Variants in ANLN observed in about 807,000 individuals in gnomAD.
ANLN encodes anillin, actin binding protein, also known as anillin.
In ANLN, 59 loss-of-function variants were observed where a neutral mutation model predicts 135.1. That is an observed-to-expected ratio of 0.44 (90% confidence interval 0.35 to 0.54). ANLN has a LOEUF of 0.54. Ranked by LOEUF, ANLN falls within the 20% of genes least tolerant of loss-of-function variation. The pLI, the probability that ANLN is intolerant of heterozygous loss-of-function variation, is 0.00. For missense variants in ANLN, 1,182 were observed against 1,340.0 expected (o/e 0.88, Z 1.84); for synonymous variants, 406 against 456.4 (o/e 0.89, Z 1.41).
chr7:36,422,084 G>T, intron 13 of ANLN, 92 bp downstream of exon 13: 1 of 1,393,978 alleles, frequency 7.2e-7, no homozygotes, highest in Non-Finnish European at 9.7e-7. Flanking sequence ...TAGAGAAAGG[G>T]CTTTTCCTAG....
At chr7:36,392,387 C>T (rs1786514310) in intron 1 of ANLN, among the ~76,000 whole-genome samples, 1 of 151,546 alleles carries the variant, frequency 6.6e-6, no homozygotes, top group African/African-American at 2.4e-5. Flanking sequence ...GTAAAATCTC[C>T]TAGAAAAATT....
intron 21 of ANLN, among the ~76,000 whole-genome samples, chr7:36,443,288 T>A (rs2116798549): frequency 6.6e-6 from 1 of 152,352 alleles, no homozygotes; most frequent in African/African-American, 2.4e-5. Flanking sequence ...AAGTTAACTC[T>A]TTTCTAATCC....
chr7:36,391,645 T>G (rs1786468073), intron 1 of ANLN, among the ~76,000 whole-genome samples: 1 of 152,222 alleles, frequency 6.6e-6, no homozygotes, highest in Non-Finnish European at 1.5e-5. Flanking sequence ...GAGCTACTGG[T>G]ACAGTTGTCT....
intron 3 of ANLN, among the ~76,000 whole-genome samples, chr7:36,401,071 C>T (rs767108666): frequency 2.0e-5 from 3 of 152,112 alleles, no homozygotes; most frequent in Non-Finnish European, 4.4e-5. Context: ...ATTATGTTTT[C>T]TGGAAGTGAT....
intron 14 of ANLN, 24 bp downstream of exon 14, chr7:36,422,833 T>G (rs1787935268): frequency 1.3e-6 from 2 of 1,572,606 alleles, no homozygotes; most frequent in Non-Finnish European, 1.7e-6. Flanking sequence ...TTTTCTAGAT[T>G]GTGTGTTAAA....
rs1261424791 is a variant in ANLN, at chr7:36,422,699, A to T, written c.2366A>T (p.Asn789Ile). 6.2e-7 allele frequency: 1 copy of T among 1,613,026 alleles called. No individual in the cohort carries two copies. Residue 789 changes from asparagine to isoleucine, a missense_variant, in exon 14 of 24, where the codon AAT becomes ATT. Asn to Ile is a moderately radical substitution (Grantham distance 149). Around this residue, in one of 3 missense-constraint regions of ANLN, gnomAD observed 1,022 missense variants for 1,134.0 expected, o/e 0.90. Coordinates refer to ENST00000265748, the MANE Select transcript of ANLN (RefSeq NM_018685.5). ...KLKNEGPQRKNKASPQSEFMP... is the reference protein window; with the variant it reads ...KLKNEGPQRKIKASPQSEFMP... ...AAGAACGAAGGACCTCAGAGGAAGA[A>T]TAAGGCTAGTCCCCAAAGTGAATTT...
chr7:36,401,324 C>T (rs1044609984), intron 3 of ANLN, among the ~76,000 whole-genome samples: 6 of 152,066 alleles, frequency 3.9e-5, no homozygotes, highest in Non-Finnish European at 1.5e-5. Flanking sequence ...ACTCCTGTGA[C>T]CTGCCTGATG....
chr7:36,424,807 T>A, intron 17 of ANLN, 65 bp downstream of exon 17: 1 of 1,480,176 alleles, frequency 6.8e-7, no homozygotes, highest in Non-Finnish European at 9.2e-7. Flanking sequence ...TCATACCAGT[T>A]TTAATTTATG....
At chr7:36,395,864 CAGAG>C (rs369375987) in intron 1 of ANLN, among the ~76,000 whole-genome samples, 1 of 150,754 alleles carries the variant, frequency 6.6e-6, no homozygotes, top group African/African-American at 2.4e-5. Flanking sequence ...CACTTAGTGG[CAGAG>C]AGAGAGAGAG....
In ANLN at chr7:36,420,729, C is replaced by A; in HGVS notation, c.2148C>A (p.Ile716=). 1 of 1,613,860 alleles carries A rather than the reference C, an allele frequency of 6.2e-7. No homozygotes were observed. The highest frequency in any genetic ancestry group is 1.1e-5 in the South Asian group (1 of 91,040). Residue 716 remains isoleucine, a synonymous_variant, in exon 12 of 24, where the codon ATC becomes ATA. Coordinates refer to ENST00000265748, the MANE Select transcript of ANLN (RefSeq NM_018685.5). ...KNNAFPCQVN[I]KQKMQELNNE... is the part of the protein sequence containing the mutation. ...ATGCCTTTCCTTGTCAAGTTAATAT[C>A]AAACAGAAAATGCAGGTATGTACTT...
chr7:36,437,121 A>G (rs1267467872), intron 20 of ANLN, among the ~76,000 whole-genome samples: 1 of 152,132 alleles, frequency 6.6e-6, no homozygotes, highest in Non-Finnish European at 1.5e-5. Flanking sequence ...GAAATTCTGT[A>G]CTCGTGGAAC....
At chr7:36,411,897 C>T (rs1787428937) in intron 7 of ANLN, among the ~76,000 whole-genome samples, 1 of 152,130 alleles carries the variant, frequency 6.6e-6, no homozygotes, top group Admixed American at 6.5e-5. Context: ...TACCTAGATT[C>T]CGATAATCAC....
At chr7:36,406,632 C>G (rs961198610) in intron 4 of ANLN, 66 bp downstream of exon 4, 7 of 1,374,830 alleles carry the variant, frequency 5.1e-6, no homozygotes, top group Admixed American at 5.0e-5. Context: ...TATAATACAT[C>G]TGTGTGTATG....
chr7:36,398,945 T>A (rs1786819119), intron 2 of ANLN, 134 bp from the exon 3 acceptor site: 3 of 688,184 alleles, frequency 4.4e-6, no homozygotes, highest in Non-Finnish European at 7.3e-6. Context: ...TTTTACATAC[T>A]TCTGGTTGTA....
intron 20 of ANLN, among the ~76,000 whole-genome samples, chr7:36,437,489 G>A (rs1788592402): frequency 6.6e-6 from 1 of 152,178 alleles, no homozygotes; most frequent in Non-Finnish European, 1.5e-5. Context: ...ATGCTGCAAT[G>A]AACGTGAGAG....
At chr7:36,451,623 A>C (rs1374331015) in intron 23 of ANLN, among the ~76,000 whole-genome samples, 2 of 152,224 alleles carry the variant, frequency 1.3e-5, no homozygotes, top group African/African-American at 4.8e-5. Flanking sequence ...ACATGGAATG[A>C]GCTTAACAAG....
chr7:36,418,290 G>A (rs1183428739), intron 9 of ANLN, among the ~76,000 whole-genome samples: 1 of 152,172 alleles, frequency 6.6e-6, no homozygotes, highest in Non-Finnish European at 1.5e-5. Flanking sequence ...CTGGTGAGGG[G>A]TGAGGTGGGT....
chr7:36,440,799 G>GAAACAC, intron 21 of ANLN, among the ~76,000 whole-genome samples: 1 of 152,200 alleles, frequency 6.6e-6, no homozygotes, highest in Admixed American at 6.5e-5. Flanking sequence ...AGGAAAGTAT[G>GAAACAC]TGTGTAGAAT....
At chr7:36,412,235 T>C (rs958156433) in intron 7 of ANLN, among the ~76,000 whole-genome samples, 1 of 151,174 alleles carries the variant, frequency 6.6e-6, no homozygotes, top group Non-Finnish European at 1.5e-5. Flanking sequence ...GTTACTGCTG[T>C]AGCTTTGTAC....
Sources: gnomAD v4.1 joint callset for allele counts (sites outside exome capture counted in the v4.1 genomes callset) on GRCh38, gnomAD v4.1.1 for gene constraint, gnomAD v4.1.1 regional missense constraint, MANE v1.5 for transcripts, NCBI Gene and HGNC (gene_info 2026-07-23, HGNC 2026-07-21) for gene names.